Variants in ANKRD6 observed in about 807,000 individuals in gnomAD.
ANKRD6 encodes the protein ankyrin repeat domain-containing protein 6.
ANKRD6 carries 56 observed loss-of-function variants against 82.3 expected under a neutral mutation model. That is an observed-to-expected ratio of 0.68 (90% CI 0.55 to 0.85). The LOEUF (loss-of-function observed/expected upper bound fraction) is 0.85, where lower values mean the gene tolerates loss of function less well. Among genes scored for constraint, ANKRD6 ranks in the 40% least tolerant of loss-of-function variants. The pLI is 0.00. For missense variants in ANKRD6, 852 were observed against 907.6 expected (o/e 0.94, Z 0.79); for synonymous variants, 347 against 352.1 (o/e 0.99, Z 0.16).
intron 10 of ANKRD6, 149 bp from the exon 11 acceptor site, chr6:89,623,261 A>G (rs1804316436): frequency 9.2e-7 from 1 of 1,086,876 alleles, no homozygotes; most frequent in Non-Finnish European, 1.3e-6. Context: ...ACCACCAAGC[A>G]GTGTTTCCTA....
In ANKRD6 at chr6:89,496,182, C is replaced by A. The variant is rs963580397; in HGVS notation, c.-144+62807C>A. 7.3e-5 allele frequency among the ~76,000 whole-genome samples: 11 copies of A among 151,688 alleles called. No homozygotes were observed. In the East Asian group the frequency reaches 9.7e-4, roughly 13 times the overall value. On this transcript the variant is annotated intron_variant, in intron 1 of 15. Coordinates refer to ENST00000339746, the MANE Select transcript of ANKRD6 (RefSeq NM_001242809.2). The stretch of plus-strand genomic sequence containing the variant: ...GCAAGCTTTTTTCCACACTGCCCCC[C>A]CCCCCACCATAATTAAAGTACTTAG...
chr6:89,537,528 G>A (rs1783977708), intron 1 of ANKRD6, among the ~76,000 whole-genome samples: 1 of 152,014 alleles, frequency 6.6e-6, no homozygotes, highest in East Asian at 1.9e-4. Context: ...GGTTTGCAAA[G>A]GAACTTAATA....
intron 1 of ANKRD6, among the ~76,000 whole-genome samples, chr6:89,456,321 A>C (rs1582693385): frequency 6.6e-6 from 1 of 152,182 alleles, no homozygotes. Context: ...TTAGTTTGCC[A>C]GGGCTGCCAT....
intron 3 of ANKRD6, chr6:89,598,298 A>G: frequency 1.0e-6 from 1 of 985,352 alleles, no homozygotes; most frequent in Non-Finnish European, 1.2e-6. Context: ...TCAATGAGCA[A>G]TCACATAGCT....
intron 1 of ANKRD6, among the ~76,000 whole-genome samples, chr6:89,492,616 A>G (rs1407320216): frequency 6.6e-6 from 1 of 152,200 alleles, no homozygotes; most frequent in Non-Finnish European, 1.5e-5. Flanking sequence ...CTAAACAGAT[A>G]TATTTTTGTG....
intron 2 of ANKRD6, among the ~76,000 whole-genome samples, chr6:89,593,527 G>A (rs1795294746): frequency 1.3e-5 from 2 of 152,194 alleles, no homozygotes; most frequent in South Asian, 4.1e-4. Flanking sequence ...ATTAAAGTAA[G>A]CTCTGACCTC....
intron 1 of ANKRD6, among the ~76,000 whole-genome samples, chr6:89,504,739 G>A (rs1445601998): frequency 6.6e-6 from 1 of 152,192 alleles, no homozygotes; most frequent in African/African-American, 2.4e-5. Context: ...AACAAATTGG[G>A]AATTTGCCCA....
intron 2 of ANKRD6, among the ~76,000 whole-genome samples, chr6:89,589,853 C>T (rs967481587): frequency 1.3e-4 from 20 of 152,186 alleles, no homozygotes; most frequent in African/African-American, 4.6e-4. Flanking sequence ...TCCCTGGAAG[C>T]AAGGCCCTGA....
intron 1 of ANKRD6, among the ~76,000 whole-genome samples, chr6:89,505,789 C>T (rs1779770934): frequency 6.6e-6 from 1 of 152,236 alleles, no homozygotes; most frequent in Admixed American, 6.5e-5. Flanking sequence ...ATCAGCACCC[C>T]ACGTTTGTTG....
At chr6:89,620,454 A>C (rs1213575934) in intron 9 of ANKRD6, among the ~76,000 whole-genome samples, 2 of 152,202 alleles carry the variant, frequency 1.3e-5, no homozygotes, top group Admixed American at 6.5e-5. Flanking sequence ...CAGGTGAGCA[A>C]TGGGTATAGT....
At chr6:89,628,875 A>T in intron 14 of ANKRD6, 1 of 497,870 alleles carries the variant, frequency 2.0e-6, no homozygotes, top group South Asian at 2.1e-5. Flanking sequence ...CTTGACACAA[A>T]CACCTCCCAT....
At chr6:89,454,066 G>A (rs1228010334) in intron 1 of ANKRD6, among the ~76,000 whole-genome samples, 1 of 152,154 alleles carries the variant, frequency 6.6e-6, no homozygotes, top group African/African-American at 2.4e-5. Context: ...CCCTCCCAAA[G>A]TGCTGGGATT....
intron 1 of ANKRD6, among the ~76,000 whole-genome samples, chr6:89,514,090 A>G (rs1329586946): frequency 2.0e-5 from 3 of 152,182 alleles, no homozygotes; most frequent in African/African-American, 7.2e-5. Context: ...TTAAAACATT[A>G]TGAAGGGCCG....
chr6:89,622,938 G>T (rs990654333), intron 10 of ANKRD6, among the ~76,000 whole-genome samples: 2 of 146,012 alleles, frequency 1.4e-5, no homozygotes, highest in Non-Finnish European at 3.0e-5. Context: ...TTCTCACAAG[G>T]ACCAGAAATA....
rs190912413 is a variant in ANKRD6, at chr6:89,531,856, A to G, written c.-143-34978A>G. ...AGTAGAAAGAATTGGCTCATGCCATATGGAGACTGGTGAATCCAAAATCTG... is the reference window on the plus strand; with the variant it reads ...AGTAGAAAGAATTGGCTCATGCCATGTGGAGACTGGTGAATCCAAAATCTG... On this transcript the variant is annotated intron_variant, in intron 1 of 15. Coordinates refer to ENST00000339746, the MANE Select transcript of ANKRD6 (RefSeq NM_001242809.2). Among the ~76,000 whole-genome samples, 211 of 152,362 alleles carry G rather than the reference A, an allele frequency of 1.4e-3. 1 individual carries two copies. The highest frequency in any genetic ancestry group is 4.7e-3 in the African/African-American group (195 of 41,586).
rs377592751 is a variant in ANKRD6 at position 89,596,032 on chromosome 6, T to C, written c.219+18T>C. ...AGGATGATGTGAGTAGAAGCCATCA[T>C]TCTATCAGGCTGAGTTGGCAGGGGA... On this transcript the variant is annotated intron_variant, in intron 3 of 15. Transcript: ENST00000339746. 41 of 1,593,848 alleles carry C rather than the reference T, an allele frequency of 2.6e-5. No homozygotes were observed. The East Asian group carries it at 3.2e-4, about 12-fold the overall frequency.
intron 1 of ANKRD6, among the ~76,000 whole-genome samples, chr6:89,495,216 G>C (rs1036266744): frequency 1.3e-5 from 2 of 152,198 alleles, no homozygotes; most frequent in Non-Finnish European, 2.9e-5. Context: ...CTGGGCAACA[G>C]AGCGAGACTC....
chr6:89,626,850 T>G (rs1805843651), intron 13 of ANKRD6, among the ~76,000 whole-genome samples: 1 of 152,240 alleles, frequency 6.6e-6, no homozygotes, highest in Non-Finnish European at 1.5e-5. Context: ...TTAAGTTCCT[T>G]CTACACTCTT....
At chr6:89,553,732 G>A (rs778672815) in intron 1 of ANKRD6, among the ~76,000 whole-genome samples, 17 of 152,178 alleles carry the variant, frequency 1.1e-4, no homozygotes, top group South Asian at 2.1e-4. Flanking sequence ...CTCTCGTCTC[G>A]CCCTCACCAG....
Sources: allele counts gnomAD v4.1 joint callset (sites outside exome capture counted in the v4.1 genomes callset), GRCh38; gene constraint gnomAD v4.1.1; transcripts MANE v1.5; gene names NCBI Gene and HGNC (gene_info 2026-07-23, HGNC 2026-07-21).